LEF1: variants seen among roughly 807,000 people sequenced by gnomAD.
LEF1 encodes the protein lymphoid enhancer binding factor 1, also known as lymphoid enhancer-binding factor 1.
Under a neutral mutation model 51.2 loss-of-function variants are expected in LEF1, and 14 were observed. That is an observed-to-expected ratio of 0.27 (90% CI 0.18 to 0.43). The LOEUF (loss-of-function observed/expected upper bound fraction) is 0.43. LEF1 is among the 20% of genes least tolerant of loss of function. The pLI is 1.00. For synonymous variants in LEF1, 185 were observed against 183.2 expected, an observed-to-expected ratio of 1.01 and a Z score of -0.08; for missense variants, 386 against 512.0, an observed-to-expected ratio of 0.75 and a Z score of 2.37.
chr4:108,157,173 T>TAC (rs1371267234), intron 3 of LEF1, among the ~76,000 whole-genome samples: 11 of 67,096 alleles, frequency 1.6e-4, no homozygotes, highest in African/African-American at 5.8e-4. Flanking sequence ...TCTCTCTATA[T>TAC]ATATATACAC....
intron 3 of LEF1, among the ~76,000 whole-genome samples, chr4:108,121,955 G>A (rs1018083441): frequency 2.0e-5 from 3 of 152,154 alleles, no homozygotes; most frequent in African/African-American, 7.2e-5. Flanking sequence ...GGTTTTTCTA[G>A]TTGTTTCCTT....
intron 3 of LEF1, among the ~76,000 whole-genome samples, chr4:108,104,464 T>TTA (rs1741023102): frequency 6.8e-6 from 1 of 147,586 alleles, no homozygotes; most frequent in Non-Finnish European, 1.5e-5. Flanking sequence ...TATATATAAA[T>TTA]TATATATATA....
rs867526493 is a variant in LEF1 at position 108,048,726 on chromosome 4, C to T, written c.*32G>A. 1.9e-6 allele frequency: 3 copies of T among 1,607,720 alleles called. No individual in the cohort carries two copies. Among genetic ancestry groups the T allele is most frequent in the African/African-American group, 1.3e-5 (1 of 74,800 alleles). On this transcript the variant is annotated 3_prime_UTR_variant, in exon 12 of 12. Transcript: ENST00000265165. ...CTGGGGTCGCTGCCTTGGCTTTGCA[C>T]GTTGGGAATGAGCTTCGTTTTCCAC... is the stretch of plus-strand genomic sequence containing the variant.
intron 3 of LEF1, among the ~76,000 whole-genome samples, chr4:108,120,429 T>C (rs1328551781): frequency 1.3e-5 from 2 of 152,234 alleles, no homozygotes; most frequent in African/African-American, 4.8e-5. Flanking sequence ...GTGAAGTATA[T>C]GTAGAAATTC....
intron 3 of LEF1, among the ~76,000 whole-genome samples, chr4:108,150,424 T>C (rs1412566566): frequency 2.0e-5 from 3 of 152,198 alleles, no homozygotes; most frequent in Non-Finnish European, 4.4e-5. Context: ...ATGTCTGATA[T>C]ACCCCAGGAA....
intron 3 of LEF1, among the ~76,000 whole-genome samples, chr4:108,089,924 T>C (rs1739901748): frequency 6.6e-6 from 1 of 152,160 alleles, no homozygotes; most frequent in Non-Finnish European, 1.5e-5. Context: ...CTAGTTTCCA[T>C]AAACATTAAT....
chr4:108,146,904 A>C (rs185815084), intron 3 of LEF1, among the ~76,000 whole-genome samples: 1 of 152,326 alleles, frequency 6.6e-6, no homozygotes, highest in East Asian at 1.9e-4. Context: ...AGGAGCTTTT[A>C]AGCACGGGAA....
At chr4:108,081,247 G>A (rs184902947) in intron 6 of LEF1, among the ~76,000 whole-genome samples, 4 of 152,098 alleles carry the variant, frequency 2.6e-5, no homozygotes, top group East Asian at 1.9e-4. Flanking sequence ...CCCCACCCCC[G>A]GCATATTTTG....
chr4:108,119,186 C>T (rs758359134), intron 3 of LEF1, among the ~76,000 whole-genome samples: 50 of 148,640 alleles, frequency 3.4e-4, no homozygotes, highest in Non-Finnish European at 6.4e-4. Context: ...AGTTCAACAT[C>T]AGGTGATGGA....
chr4:108,166,666 T>C (rs1021728836), intron 1 of LEF1: 10 of 1,003,920 alleles, frequency 1.0e-5, no homozygotes, highest in African/African-American at 8.6e-5. Context: ...ACCAGCTCTA[T>C]CGCCCGCAGC....
intron 8 of LEF1, among the ~76,000 whole-genome samples, chr4:108,072,453 C>A (rs1738552136): frequency 6.6e-6 from 1 of 152,242 alleles, no homozygotes; most frequent in Non-Finnish European, 1.5e-5. Context: ...AGAAGGGTAA[C>A]AGAGTCCGTT....
At chr4:108,120,300 G>C (rs563937963) in intron 3 of LEF1, among the ~76,000 whole-genome samples, 2 of 152,192 alleles carry the variant, frequency 1.3e-5, no homozygotes, top group South Asian at 4.1e-4. Context: ...CAAAGTACTA[G>C]GATTATGTGC....
At chr4:108,060,877 T>C (rs947315980) in intron 11 of LEF1, among the ~76,000 whole-genome samples, 10 of 152,100 alleles carry the variant, frequency 6.6e-5, no homozygotes, top group African/African-American at 2.4e-4. Flanking sequence ...AGGTGCTCAA[T>C]AAATGCTGAA....
intron 3 of LEF1, among the ~76,000 whole-genome samples, chr4:108,122,328 T>C (rs1742228312): frequency 6.6e-6 from 1 of 152,208 alleles, no homozygotes; most frequent in African/African-American, 2.4e-5. Context: ...GTTATTATCA[T>C]AGTTCCATCA....
At chr4:108,107,013 C>T (rs764657784) in intron 3 of LEF1, among the ~76,000 whole-genome samples, 21 of 152,180 alleles carry the variant, frequency 1.4e-4, no homozygotes, top group Non-Finnish European at 2.6e-4. Context: ...CAACAGCTGG[C>T]TGGTCACTTG....
chr4:108,057,622 T>TC (rs1737395376), intron 11 of LEF1, among the ~76,000 whole-genome samples: 1 of 152,106 alleles, frequency 6.6e-6, no homozygotes, highest in African/African-American at 2.4e-5. Context: ...ACTTGTCAGC[T>TC]CTGTAGCACA....
chr4:108,056,279 G>C lies in LEF1; in HGVS notation c.*6+7344C>G, dbSNP rs144682010. ...GAAGGGAAGGAGGAAGTGATTTTCA[G>C]GGAGGGACAGATGGAAGCAGCAGGG... On this transcript the variant is annotated intron_variant, in intron 11 of 11. Coordinates refer to ENST00000265165, the MANE Select transcript of LEF1 (RefSeq NM_016269.5). 5.9e-5 allele frequency among the ~76,000 whole-genome samples: 9 copies of C among 152,344 alleles called. No individual in the cohort carries two copies. In the East Asian group the frequency reaches 1.4e-3, roughly 23 times the overall value.
intron 3 of LEF1, among the ~76,000 whole-genome samples, chr4:108,108,733 CA>C (rs1358130426): frequency 6.6e-6 from 1 of 152,130 alleles, no homozygotes; most frequent in Non-Finnish European, 1.5e-5. Flanking sequence ...ATAAGATACA[CA>C]TGCACTGCGT....
rs766540959 is a variant in LEF1, at chr4:108,167,732, C to G, written c.36G>C (p.Gly12=). 5 of 1,613,434 alleles carry G rather than the reference C, an allele frequency of 3.1e-6. No individual in the cohort carries two copies. The highest frequency in any genetic ancestry group is 4.5e-5 in the East Asian group (2 of 44,894). Residue 12 remains glycine, a synonymous_variant, in exon 1 of 12, where the codon GGG becomes GGC. Transcript: ENST00000265165. This position sits in a 1 kb window ranked among gnomAD's most constrained non-coding sequence, Gnocchi z 5.7. ...CCGTGGCGCAGAGTTCCGGGTCCCC[C>G]CCGCCGCCGCCACCTCCTCCGGAGA... The part of the protein sequence containing the change: ...PQLSGGGGGG[G]GDPELCATDE...
Sources: gnomAD v4.1 joint callset for allele counts (sites outside exome capture counted in the v4.1 genomes callset) on GRCh38, gnomAD v4.1.1 for gene constraint, Gnocchi (gnomAD v3.1) non-coding constraint, MANE v1.5 for transcripts, NCBI Gene and HGNC (gene_info 2026-07-23, HGNC 2026-07-21) for gene names.